The following RGS22 variants were observed in gnomAD, a reference collection of about 807,000 sequenced individuals.
The protein encoded by RGS22 is regulator of G protein signaling 22.
RGS22 carries 148 observed loss-of-function variants against 172.9 expected under a neutral mutation model. The observed-to-expected ratio is 0.86, with a 90% CI of 0.75 to 0.98. The LOEUF (loss-of-function observed/expected upper bound fraction) is 0.98. RGS22 is among the 50% of genes least tolerant of loss of function. RGS22 has a pLI of 0.00. For missense variants in RGS22, 1,347 were observed against 1,440.8 expected (o/e 0.93, Z 1.05); for synonymous variants, 458 against 480.2 (o/e 0.95, Z 0.60).
intron 1 of RGS22, 118 bp from the exon 2 acceptor site, chr8:100,105,520 T>C (rs1813864335): frequency 1.2e-6 from 1 of 829,840 alleles, no homozygotes; most frequent in South Asian, 1.5e-5. Context: ...AGCACATTTC[T>C]GGCCCTCTGT....
Position 100,072,204 on chromosome 8 carries a change from C to A in RGS22, c.366G>T (p.Lys122Asn), listed in dbSNP as rs758280906. The stretch of plus-strand genomic sequence containing the variant: ...CTGGAAGTCTTTCTTTTTTGATCCA[C>A]TTAATACCTTCTTCACGACTGAGAC... Reference protein sequence around the residue: ...IMCLSREEGIKWIKKERLPAF... With the variant: ...IMCLSREEGINWIKKERLPAF... Residue 122 changes from lysine to asparagine, a missense_variant, in exon 5 of 28, where the codon AAG (lysine) becomes AAT (asparagine). Coordinates refer to ENST00000360863, the MANE Select transcript of RGS22 (RefSeq NM_015668.5). 1.3e-6 allele frequency: 2 copies of A among 1,598,700 alleles called. No individual in the cohort carries two copies. Among genetic ancestry groups the A allele is most frequent in the East Asian group, 2.2e-5 (1 of 44,588 alleles).
chr8:100,012,108 T>C (rs1170244698), intron 14 of RGS22, among the ~76,000 whole-genome samples: 3 of 151,558 alleles, frequency 2.0e-5, no homozygotes, highest in Non-Finnish European at 4.4e-5. Context: ...ATTATATATA[T>C]ATATGTAAAG....
chr8:100,096,972 T>A (rs1245689704), intron 2 of RGS22, among the ~76,000 whole-genome samples: 5 of 152,264 alleles, frequency 3.3e-5, no homozygotes, highest in African/African-American at 1.2e-4. Flanking sequence ...GGAAAGACGT[T>A]ATCTGGTAAG....
intron 23 of RGS22, among the ~76,000 whole-genome samples, chr8:99,970,745 C>A (rs1454772708): frequency 6.6e-6 from 1 of 152,114 alleles, no homozygotes; most frequent in Admixed American, 6.6e-5. Flanking sequence ...TAATCACCTA[C>A]TGACTAAAAA....
Position 100,063,516 on chromosome 8 carries a change from A to G in RGS22, c.1252T>C (p.Phe418Leu), listed in dbSNP as rs201859997. The G allele has an allele frequency of 5.6e-6, 9 of 1,613,974 alleles. No homozygotes were observed. Among genetic ancestry groups the G allele is most frequent in the Non-Finnish European group, 7.6e-6 (9 of 1,179,890 alleles). ...AATGTACCTTTTATAAATTTCTTAA[A>G]TCTTTCAAACTCCTTTCTATTGCCA... ...DIGNRKEFER[F>L]KKFIKGTLGE... The change falls in exon 8 of 28, where the codon TTT becomes CTT. Residue 418 changes from phenylalanine to leucine, a missense_variant. Physicochemically the swap from Phe to Leu is conservative, Grantham distance 22 (BLOSUM62 0). Transcript: ENST00000360863.
At chr8:100,011,145 A>G (rs970015413) in intron 14 of RGS22, among the ~76,000 whole-genome samples, 1 of 152,164 alleles carries the variant, frequency 6.6e-6, no homozygotes, top group African/African-American at 2.4e-5. Flanking sequence ...GGTGAATAAG[A>G]GAAGATACTT....
intron 27 of RGS22, 131 bp from the exon 28 acceptor site, chr8:99,961,327 C>T (rs1463230106): frequency 2.8e-6 from 1 of 359,058 alleles, no homozygotes; most frequent in East Asian, 7.7e-5. Flanking sequence ...ACCCAAATCT[C>T]ATCTTGTAGT....
At chr8:100,071,666 C>G in intron 5 of RGS22, 129 bp from the exon 6 acceptor site, 1 of 573,210 alleles carries the variant, frequency 1.7e-6, no homozygotes, top group East Asian at 3.2e-5. Flanking sequence ...TTCTTTGGCT[C>G]TGCTAAAATT....
chr8:100,007,671 C>G (rs1815870041), intron 15 of RGS22, among the ~76,000 whole-genome samples: 1 of 151,888 alleles, frequency 6.6e-6, no homozygotes, highest in African/African-American at 2.4e-5. Flanking sequence ...GGCATATTTA[C>G]TTATTCACAG....
chr8:99,968,822 G>A (rs1237293532), intron 23 of RGS22, among the ~76,000 whole-genome samples: 3 of 152,212 alleles, frequency 2.0e-5, no homozygotes, highest in South Asian at 4.2e-4. Context: ...TATTATCCAG[G>A]AGAACTTCCC....
At chr8:100,051,346 AC>A (rs1004889185) in intron 10 of RGS22, among the ~76,000 whole-genome samples, 16 of 146,226 alleles carry the variant, frequency 1.1e-4, no homozygotes, top group Middle Eastern at 3.5e-3. Context: ...GAAAAAGAAG[AC>A]CACTGGAGAA....
chr8:100,022,521 T>C (rs1475885015), intron 14 of RGS22, among the ~76,000 whole-genome samples: 1 of 151,874 alleles, frequency 6.6e-6, no homozygotes, highest in Non-Finnish European at 1.5e-5. Context: ...CATGATGAAA[T>C]AAAATAAACA....
At chr8:100,098,140 C>G (rs1813128768) in intron 2 of RGS22, among the ~76,000 whole-genome samples, 1 of 151,990 alleles carries the variant, frequency 6.6e-6, no homozygotes, top group Admixed American at 6.5e-5. Context: ...AAACCTTTAT[C>G]ACTTCATACT....
chr8:100,038,989 T>C lies in RGS22; in HGVS notation c.2108A>G (p.Tyr703Cys), dbSNP rs1345003147. ...SVYFWFDLQA[Y>C]HQLFYQETLQ... ...TGTTTCTTGGTAGAAAAGCTGATGA[T>C]AAGCCTGCAGGTCAAACCAAAAGTA... Residue 703 changes from tyrosine to cysteine, a missense_variant, in exon 14 of 28, where the codon TAT becomes TGT. By Grantham distance (194) the Tyr-to-Cys change is radical. Coordinates refer to ENST00000360863, the MANE Select transcript of RGS22 (RefSeq NM_015668.5). The C allele has an allele frequency of 1.2e-6, 2 of 1,613,234 alleles. No individual in the cohort carries two copies. The highest frequency in any genetic ancestry group is 8.5e-7 in the Non-Finnish European group (1 of 1,179,520).
In RGS22 at chr8:100,003,850, T is replaced by G. The variant is rs555938402; in HGVS notation, c.2627+76A>C. On this transcript the variant is annotated intron_variant, in intron 17 of 27. Transcript: ENST00000360863. ...AAAATCTGTTATAGCACCAAATCAC[T>G]TTTATAATATGTTGAATCAAAAATA... The G allele has an allele frequency of 6.2e-6, 8 of 1,283,296 alleles. No homozygotes were observed. In the East Asian group the frequency reaches 2.0e-4, roughly 32 times the overall value. 79.5% of individuals were successfully genotyped at this position (1,283,296 alleles called of 1,614,324 possible).
chr8:100,049,605 G>A (rs1236037214), intron 10 of RGS22, among the ~76,000 whole-genome samples: 1 of 152,058 alleles, frequency 6.6e-6, no homozygotes, highest in East Asian at 1.9e-4. Flanking sequence ...TAATAACGTT[G>A]TTTGTACAAA....
At chr8:99,982,649 G>T (rs183262862) in intron 21 of RGS22, among the ~76,000 whole-genome samples, 2 of 152,266 alleles carry the variant, frequency 1.3e-5, no homozygotes, top group African/African-American at 4.8e-5. Flanking sequence ...CTGCTTCTAC[G>T]CCAAGGTGAT....
At chr8:99,990,484 CT>C (rs1813601174) in intron 20 of RGS22, among the ~76,000 whole-genome samples, 1 of 152,082 alleles carries the variant, frequency 6.6e-6, no homozygotes, top group Non-Finnish European at 1.5e-5. Context: ...CAGTCTTTAG[CT>C]GAACGAAGGA....
intron 2 of RGS22, among the ~76,000 whole-genome samples, chr8:100,097,047 T>A (rs1813032930): frequency 6.6e-6 from 1 of 152,082 alleles, no homozygotes; most frequent in Non-Finnish European, 1.5e-5. Context: ...AACTTCAAAT[T>A]CTGTATTTAG....
Sources: allele counts gnomAD v4.1 joint callset (sites outside exome capture counted in the v4.1 genomes callset), GRCh38; gene constraint gnomAD v4.1.1; transcripts MANE v1.5; gene names NCBI Gene and HGNC (gene_info 2026-07-23, HGNC 2026-07-21).